Variants in MBD2 observed in about 807,000 individuals in gnomAD.
MBD2 encodes methyl-CpG binding domain protein 2.
MBD2 carries 9 observed loss-of-function variants against 39.3 expected under a neutral mutation model. The observed-to-expected ratio is 0.23, with a 90% CI of 0.14 to 0.40. The LOEUF is 0.40. Ranked by LOEUF, MBD2 falls within the 10% of genes least tolerant of loss-of-function variation. The pLI is 1.00. For synonymous variants in MBD2, 233 were observed against 211.1 expected (o/e 1.10, Z -0.90); for missense variants, 458 against 532.6 (o/e 0.86, Z 1.38).
At chr18:54,160,106 G>T (rs1249379310) in intron 5 of MBD2, 1 of 538,226 alleles carries the variant, frequency 1.9e-6, no homozygotes, top group East Asian at 3.1e-5. Context: ...GTTCACAGAG[G>T]CAGTTATCCC....
chr18:54,207,695 A>C (rs1390208462), intron 1 of MBD2, among the ~76,000 whole-genome samples: 2 of 152,240 alleles, frequency 1.3e-5, no homozygotes, highest in Non-Finnish European at 2.9e-5. Flanking sequence ...TAATGACCTA[A>C]ATTAATATGA....
At chr18:54,159,992 T>C in intron 5 of MBD2, 89 bp from the exon 6 acceptor site, 1 of 1,401,224 alleles carries the variant, frequency 7.1e-7, no homozygotes, top group East Asian at 2.3e-5. Context: ...TACTTCAAAA[T>C]AATTAAATTC....
chr18:54,185,711 T>C (rs2086281832), intron 3 of MBD2, among the ~76,000 whole-genome samples: 1 of 152,140 alleles, frequency 6.6e-6, no homozygotes, highest in Admixed American at 6.5e-5. Context: ...GTCTGATAAC[T>C]GGCAGAGTTC....
chr18:54,166,369 G>T (rs918699500), intron 3 of MBD2, among the ~76,000 whole-genome samples: 2 of 152,016 alleles, frequency 1.3e-5, no homozygotes, highest in Admixed American at 1.3e-4. Flanking sequence ...GCTCAAAAAA[G>T]GTTGTTTTAC....
intron 6 of MBD2, among the ~76,000 whole-genome samples, chr18:54,158,517 T>C (rs1480549203): frequency 6.6e-6 from 1 of 152,076 alleles, no homozygotes; most frequent in Non-Finnish European, 1.5e-5. Flanking sequence ...AAGCAAGACG[T>C]CACAGAAAGC....
At chr18:54,220,483 G>A (rs1367905349) in intron 1 of MBD2, among the ~76,000 whole-genome samples, 1 of 152,130 alleles carries the variant, frequency 6.6e-6, no homozygotes, top group Admixed American at 6.6e-5. Flanking sequence ...AGGCTTTCTC[G>A]ATGAGCTTAA....
At chr18:54,211,360 C>G (rs1022008390) in intron 1 of MBD2, among the ~76,000 whole-genome samples, 1 of 150,010 alleles carries the variant, frequency 6.7e-6, no homozygotes, top group Non-Finnish European at 1.5e-5. Flanking sequence ...AGAAACCCGC[C>G]AAATTAAAAG....
intron 2 of MBD2, among the ~76,000 whole-genome samples, chr18:54,195,987 A>T (rs1041199877): frequency 6.6e-6 from 1 of 152,196 alleles, no homozygotes. Context: ...GGTAGTCCAT[A>T]GTGAATGTCT....
At chr18:54,163,918 C>A (rs919917089) in intron 5 of MBD2, among the ~76,000 whole-genome samples, 4 of 152,100 alleles carry the variant, frequency 2.6e-5, no homozygotes, top group Non-Finnish European at 5.9e-5. Flanking sequence ...GGATCTAGCT[C>A]TGTCACCACG....
intron 2 of MBD2, among the ~76,000 whole-genome samples, chr18:54,194,557 G>GTATATATA (rs147119140): frequency 2.7e-5 from 4 of 148,712 alleles, no homozygotes; most frequent in African/African-American, 9.9e-5. Flanking sequence ...GTGTGTGTGT[G>GTATATATA]TATATATATA....
At chr18:54,173,604 T>C (rs144049260) in intron 3 of MBD2, among the ~76,000 whole-genome samples, 87 of 152,328 alleles carry the variant, frequency 5.7e-4, no homozygotes, top group African/African-American at 1.9e-3. Context: ...TCTGGCCAGA[T>C]CTATGCAATA....
intron 2 of MBD2, among the ~76,000 whole-genome samples, chr18:54,190,253 GA>G (rs201109306): frequency 6.6e-6 from 1 of 151,438 alleles, no homozygotes; most frequent in Non-Finnish European, 1.5e-5. Flanking sequence ...ATAACGATGA[GA>G]AAAAAAAATC....
intron 2 of MBD2, 48 bp from the exon 3 acceptor site, chr18:54,189,059 A>G: frequency 2.4e-6 from 3 of 1,258,118 alleles, no homozygotes; most frequent in Non-Finnish European, 3.3e-6. Context: ...TATAAACACA[A>G]TCAGATGACT....
chr18:54,172,427 G>GT (rs2086184888), intron 3 of MBD2, among the ~76,000 whole-genome samples: 1 of 152,132 alleles, frequency 6.6e-6, no homozygotes, highest in South Asian at 2.1e-4. Flanking sequence ...ATGGGAGCAA[G>GT]TATTTCAAAA....
intron 1 of MBD2, among the ~76,000 whole-genome samples, chr18:54,209,297 CAAAAAAAAAAAAAA>C (rs34165824): frequency 4.4e-5 from 3 of 67,628 alleles, no homozygotes; most frequent in African/African-American, 1.4e-4. Context: ...ACTCCATCTC[CAAAAAAAAAAAAAA>C]AAAAAAAAAG....
Position 54,224,287 on chromosome 18 carries a change from G to C in MBD2, c.273C>G (p.Gly91=). The C allele has an allele frequency of 2.1e-6, 2 of 943,258 alleles. No homozygotes were observed. The highest frequency in any genetic ancestry group is 2.5e-6 in the Non-Finnish European group (2 of 794,680). 58.4% of individuals were successfully genotyped at this position (943,258 alleles called of 1,614,324 possible). The change falls in exon 1 of 7, where the codon GGC becomes GGG. Residue 91 remains glycine (G), a synonymous_variant. Transcript: ENST00000256429. ...GRGRGRGRGR[G]RGRGRPPSGG... ...CACTCGGGGGACGGCCGCGGCCCCG[G>C]CCCCGGCCCCGTCCCCGTCCCCGGC...
At chr18:54,193,858 TAA>T (rs1012224678) in intron 2 of MBD2, among the ~76,000 whole-genome samples, 1 of 152,258 alleles carries the variant, frequency 6.6e-6, no homozygotes, top group African/African-American at 2.4e-5. Flanking sequence ...AGAAAATCGA[TAA>T]AGACACTAAA....
intron 2 of MBD2, among the ~76,000 whole-genome samples, chr18:54,195,082 T>C (rs1184854592): frequency 2.0e-5 from 3 of 152,030 alleles, no homozygotes; most frequent in Non-Finnish European, 4.4e-5. Context: ...CATTCTCAGA[T>C]CAGCTGAAGG....
At chr18:54,205,840 T>C (rs369266311) in intron 1 of MBD2, among the ~76,000 whole-genome samples, 1 of 152,084 alleles carries the variant, frequency 6.6e-6, no homozygotes, top group Admixed American at 6.6e-5. Context: ...CAAATTGATT[T>C]TGAAATGCTT....
Sources: gnomAD v4.1 joint callset for allele counts (sites outside exome capture counted in the v4.1 genomes callset) on GRCh38, gnomAD v4.1.1 for gene constraint, MANE v1.5 for transcripts, NCBI Gene and HGNC (gene_info 2026-07-23, HGNC 2026-07-21) for gene names.